Variants in MAD1L1 observed in about 807,000 individuals in gnomAD.
MAD1L1 encodes mitotic arrest deficient 1 like 1.
In MAD1L1, 95 loss-of-function variants were observed where a neutral mutation model predicts 96.9. The ratio of observed to expected loss-of-function variants is 0.98; its 90% CI spans 0.83 to 1.16. MAD1L1 has a LOEUF of 1.16. MAD1L1 is among the 50% of genes most tolerant of loss of function. The pLI is 0.00. For missense variants in MAD1L1, 1,007 were observed against 954.4 expected (o/e 1.06, Z -0.73); for synonymous variants, 473 against 396.6 (o/e 1.19, Z -2.29).
At chr7:2,112,664 G>A (rs1261871114) in intron 11 of MAD1L1, among the ~76,000 whole-genome samples, 2 of 152,214 alleles carry the variant, frequency 1.3e-5, no homozygotes, top group African/African-American at 4.8e-5. Context: ...GGTGCTGGAT[G>A]GAGCCAGTGT....
chr7:1,937,380 C>T (rs1778670389), intron 16 of MAD1L1, among the ~76,000 whole-genome samples: 1 of 152,196 alleles, frequency 6.6e-6, no homozygotes, highest in African/African-American at 2.4e-5. Context: ...GCAAGGGAGC[C>T]TGGCATCAGC....
At chr7:1,932,497 G>A (rs1315363477) in intron 17 of MAD1L1, among the ~76,000 whole-genome samples, 2 of 152,222 alleles carry the variant, frequency 1.3e-5, no homozygotes, top group African/African-American at 2.4e-5. Flanking sequence ...CCTGATGTGG[G>A]GCTGGGGGGC....
At chr7:1,850,013 G>A (rs1307359593) in intron 18 of MAD1L1, 1 of 152,234 alleles carries the variant, frequency 6.6e-6, no homozygotes, top group African/African-American at 2.4e-5. Context: ...GCTTTGATTA[G>A]GAAAATATTG....
At chr7:1,887,286 T>A (rs1786103638) in intron 18 of MAD1L1, among the ~76,000 whole-genome samples, 1 of 152,052 alleles carries the variant, frequency 6.6e-6, no homozygotes, top group African/African-American at 2.4e-5. Context: ...TGTGTGTATG[T>A]GGCTGCCTGT....
chr7:2,193,344 C>G (rs556276724), intron 10 of MAD1L1: 1 of 152,718 alleles, frequency 6.5e-6, no homozygotes, highest in East Asian at 1.9e-4. Flanking sequence ...GCCCAGAGGA[C>G]GGTCCTTGTC....
chr7:2,066,936 G>C (rs1008237047), intron 12 of MAD1L1, among the ~76,000 whole-genome samples: 3 of 152,242 alleles, frequency 2.0e-5, no homozygotes, highest in Non-Finnish European at 2.9e-5. Context: ...AAGAAACCAG[G>C]AGGTTCCCAA....
chr7:2,103,218 T>C lies in MAD1L1; in HGVS notation c.1074-33880A>G, dbSNP rs1294664438. Reference sequence around the variant, plus strand: ...ACGCTTCAGCTCTCAGCCCACATGGTGTGTCCAGAGGGAGGCCGTCCATCC... The same window carrying C: ...ACGCTTCAGCTCTCAGCCCACATGGCGTGTCCAGAGGGAGGCCGTCCATCC... On this transcript the variant is annotated intron_variant, in intron 11 of 18. Transcript: ENST00000265854. The surrounding 1 kb of genome is among the most constrained non-coding windows in gnomAD (Gnocchi z 4.3). Among the ~76,000 whole-genome samples, 5 of 152,062 alleles carry C rather than the reference T, an allele frequency of 3.3e-5. No individual in the cohort carries two copies. The highest frequency in any genetic ancestry group is 1.2e-4 in the African/African-American group (5 of 41,420).
At chr7:2,149,117 G>A (rs112918731) in intron 11 of MAD1L1, 35 bp downstream of exon 11, 24 of 1,598,782 alleles carry the variant, frequency 1.5e-5, no homozygotes, top group East Asian at 8.9e-5. Flanking sequence ...CAAAGCAAAC[G>A]CATCCCCACA....
At chr7:1,819,341 C>T (rs376986259) in intron 18 of MAD1L1, among the ~76,000 whole-genome samples, 3 of 152,174 alleles carry the variant, frequency 2.0e-5, no homozygotes, top group South Asian at 2.1e-4. Flanking sequence ...GTCTAGTCTG[C>T]GCACATAGCG....
intron 11 of MAD1L1, among the ~76,000 whole-genome samples, chr7:2,145,315 CG>C (rs902092676): frequency 1.3e-5 from 2 of 152,244 alleles, no homozygotes; most frequent in African/African-American, 4.8e-5. Flanking sequence ...GCAGGCTCCT[CG>C]CAACCCTGGA....
chr7:2,199,350 C>G (rs961011647), intron 10 of MAD1L1, among the ~76,000 whole-genome samples: 1 of 152,232 alleles, frequency 6.6e-6, no homozygotes, highest in Non-Finnish European at 1.5e-5. Context: ...AGATTCCACA[C>G]GTTCACCTTT....
At chr7:2,016,540 C>G (rs1046866692) in intron 12 of MAD1L1, among the ~76,000 whole-genome samples, 1 of 152,224 alleles carries the variant, frequency 6.6e-6, no homozygotes, top group African/African-American at 2.4e-5. Flanking sequence ...CAGTGCTCCC[C>G]AGCACTGATG....
At chr7:2,019,351 C>T (rs560623780) in intron 12 of MAD1L1, among the ~76,000 whole-genome samples, 2 of 152,322 alleles carry the variant, frequency 1.3e-5, no homozygotes, top group East Asian at 3.9e-4. Flanking sequence ...TCCGTGGGGC[C>T]CATCGAGAAC....
chr7:1,954,793 C>G (rs1779655282), intron 16 of MAD1L1, among the ~76,000 whole-genome samples: 2 of 152,220 alleles, frequency 1.3e-5, no homozygotes, highest in South Asian at 2.1e-4. Context: ...AGAAGCCCGG[C>G]CAGCCACCGT....
chr7:2,013,398 G>C (rs1782388570), intron 13 of MAD1L1, among the ~76,000 whole-genome samples: 1 of 152,268 alleles, frequency 6.6e-6, no homozygotes, highest in South Asian at 2.1e-4. Flanking sequence ...GAGCTCGGCT[G>C]TTCAGCTGTG....
intron 14 of MAD1L1, among the ~76,000 whole-genome samples, chr7:1,999,604 G>A (rs899257738): frequency 3.9e-5 from 6 of 152,198 alleles, no homozygotes; most frequent in African/African-American, 1.4e-4. Context: ...GGAGGAGACA[G>A]GAAGCTCCAG....
chr7:2,102,076 G>C (rs1786807194), intron 11 of MAD1L1, among the ~76,000 whole-genome samples: 2 of 152,024 alleles, frequency 1.3e-5, no homozygotes, highest in African/African-American at 4.8e-5. Flanking sequence ...CACAGGATAA[G>C]GTGAAAACGC....
chr7:1,929,408 G>T (rs988590395), intron 17 of MAD1L1, among the ~76,000 whole-genome samples: 1 of 152,176 alleles, frequency 6.6e-6, no homozygotes, highest in Non-Finnish European at 1.5e-5. Flanking sequence ...GACGTGGCAG[G>T]GGGGCTGAGT....
intron 17 of MAD1L1, among the ~76,000 whole-genome samples, chr7:1,908,326 G>C (rs548914828): frequency 6.6e-6 from 1 of 152,198 alleles, no homozygotes; most frequent in Non-Finnish European, 1.5e-5. Flanking sequence ...CATCAGAGCT[G>C]ATGGGTAATT....
Sources: allele counts gnomAD v4.1 joint callset (sites outside exome capture counted in the v4.1 genomes callset), GRCh38; gene constraint gnomAD v4.1.1; non-coding constraint Gnocchi (gnomAD v3.1); transcripts MANE v1.5; gene names NCBI Gene and HGNC (gene_info 2026-07-23, HGNC 2026-07-21).